Variants in ARHGAP8 observed in about 807,000 individuals in gnomAD.
The protein encoded by ARHGAP8 is Rho GTPase activating protein 8, also known as rho GTPase-activating protein 8.
ARHGAP8 carries 62 observed loss-of-function variants against 46.1 expected under a neutral mutation model. The observed-to-expected ratio is 1.34, with a 90% confidence interval of 1.10 to 1.66. The LOEUF (loss-of-function observed/expected upper bound fraction) is 1.66, where lower values mean the gene tolerates loss of function less well. Among genes scored for constraint, ARHGAP8 ranks in the 40% most tolerant of loss-of-function variants. The pLI is 0.00. For synonymous variants in ARHGAP8, 375 were observed against 243.1 expected, an observed-to-expected ratio of 1.54 and a Z score of -5.05; for missense variants, 923 against 568.4, an observed-to-expected ratio of 1.62 and a Z score of -6.34.
At chr22:44,850,388 A>AGG (rs60902255) in intron 10 of ARHGAP8, 26 of 151,950 alleles carry the variant, frequency 1.7e-4, no homozygotes, top group African/African-American at 6.1e-4. Context: ...GTGGAGACAG[A>AGG]AGGAGGCACT....
intron 4 of ARHGAP8, 187 bp downstream of exon 4, chr22:44,808,625 C>A: frequency 1.8e-6 from 2 of 1,105,738 alleles, no homozygotes; most frequent in African/African-American, 1.6e-5. Context: ...GAATCCCGGG[C>A]AGGGGTTGGC....
chr22:44,811,228 G>T (rs1287478434), intron 4 of ARHGAP8, among the ~76,000 whole-genome samples: 1 of 152,244 alleles, frequency 6.6e-6, no homozygotes, highest in Non-Finnish European at 1.5e-5. Flanking sequence ...TGTGCCAGTG[G>T]TCGATGGATG....
chr22:44,847,902 A>G, intron 8 of ARHGAP8, 71 bp from the exon 9 acceptor site: 1 of 1,575,640 alleles, frequency 6.3e-7, no homozygotes, highest in African/African-American at 1.3e-5. Flanking sequence ...TGGGCAGGGG[A>G]GTGTCATATA....
intron 10 of ARHGAP8, among the ~76,000 whole-genome samples, chr22:44,854,264 TCTTGC>T (rs2070168357): frequency 7.3e-6 from 1 of 136,962 alleles, no homozygotes; most frequent in African/African-American, 2.7e-5. Context: ...TGAGACGGAG[TCTTGC>T]TTTGTTGCCC....
intron 1 of ARHGAP8, among the ~76,000 whole-genome samples, chr22:44,764,167 G>A (rs527361759): frequency 3.3e-5 from 5 of 152,254 alleles, no homozygotes; most frequent in Admixed American, 6.5e-5. Flanking sequence ...AACAACTCCC[G>A]AAGAGTCAGA....
chr22:44,843,211 G>T (rs1007842918), intron 7 of ARHGAP8, among the ~76,000 whole-genome samples: 1 of 152,168 alleles, frequency 6.6e-6, no homozygotes, highest in South Asian at 2.1e-4. Flanking sequence ...CATTTTGCAA[G>T]CGGTAAAGCT....
intron 1 of ARHGAP8, among the ~76,000 whole-genome samples, chr22:44,767,984 C>CTT (rs1167255172): frequency 0.014 from 659 of 47,216 alleles, 248 homozygotes; most frequent in African/African-American, 0.047. Context: ...CGCATGATGT[C>CTT]TTTTTTTTTT....
At chr22:44,821,762 A>C (rs1201646426) in intron 5 of ARHGAP8, among the ~76,000 whole-genome samples, 1 of 152,188 alleles carries the variant, frequency 6.6e-6, no homozygotes, top group Non-Finnish European at 1.5e-5. Context: ...AGGCCCTGAG[A>C]GGGAGTGAAT....
chr22:44,808,532 G>A, intron 4 of ARHGAP8, 94 bp downstream of exon 4: 1 of 1,545,098 alleles, frequency 6.5e-7, no homozygotes, highest in South Asian at 1.2e-5. Context: ...TGTGCAGTGG[G>A]GGAGGGGTCT....
At chr22:44,812,275 C>T (rs1425962344) in intron 4 of ARHGAP8, among the ~76,000 whole-genome samples, 2 of 152,036 alleles carry the variant, frequency 1.3e-5, no homozygotes, top group African/African-American at 4.8e-5. Context: ...GCAGCAGCTG[C>T]CCTCTGGGCT....
Position 44,838,132 on chromosome 22 carries a change from C to T in ARHGAP8, c.597-7137C>T, listed in dbSNP as rs1050431727. ...GAGATTACAGGAGTGCGCCACCATG[C>T]CTGGCTAATTTTTTTTTTTTTTGAA... On this transcript the variant is annotated intron_variant, in intron 7 of 11. Transcript: ENST00000356099. Among the ~76,000 whole-genome samples, 5 of 145,826 alleles carry T rather than the reference C, an allele frequency of 3.4e-5. No homozygotes were observed. In the East Asian group the frequency reaches 8.0e-4, roughly 23 times the overall value.
At chr22:44,847,862 G>A in intron 8 of ARHGAP8, 111 bp from the exon 9 acceptor site, 1 of 1,375,514 alleles carries the variant, frequency 7.3e-7, no homozygotes. Context: ...AAATAAATGT[G>A]TGGAGGCCAG....
At chr22:44,787,022 C>T (rs1285199206) in intron 2 of ARHGAP8, among the ~76,000 whole-genome samples, 3 of 73,392 alleles carry the variant, frequency 4.1e-5, no homozygotes, top group African/African-American at 1.6e-4. Context: ...GTGGTGAGAC[C>T]CTGTCTCAAA....
chr22:44,809,236 G>A (rs112464292), intron 4 of ARHGAP8: 3 of 452,508 alleles, frequency 6.6e-6, no homozygotes, highest in African/African-American at 2.0e-5. Context: ...ACGCTGAAAT[G>A]TGAATTTCAT....
rs557242169 is a variant in ARHGAP8 at position 44,856,254 on chromosome 22, C to CTTTTT, written c.878-3446_878-3442dup. Among the ~76,000 whole-genome samples, 293 of 86,848 alleles carry CTTTTT rather than the reference C, an allele frequency of 3.4e-3. 27 individuals carry two copies. Among genetic ancestry groups the CTTTTT allele is most frequent in the Middle Eastern group, 0.012 (1 of 84 alleles). The allele number at this position is 86,848 out of a possible 152,430, so 57.0% of individuals were successfully genotyped here. ...TACTGTCTGGCCAGCTATAAATTCCCTTTTTTTTTTTTTTTTTTTTTTTTT... is the reference window on the plus strand; with the variant it reads ...TACTGTCTGGCCAGCTATAAATTCCCTTTTTTTTTTTTTTTTTTTTTTTTTTTTTT... On this transcript the variant is annotated intron_variant, in intron 10 of 11. Coordinates refer to ENST00000356099, the MANE Select transcript of ARHGAP8 (RefSeq NM_181335.3).
intron 8 of ARHGAP8, among the ~76,000 whole-genome samples, chr22:44,846,723 T>C (rs1180119558): frequency 1.3e-5 from 2 of 152,024 alleles, no homozygotes; most frequent in East Asian, 3.9e-4. Flanking sequence ...CTCATTCACT[T>C]GGGAGGCATT....
rs142685281 is a variant in ARHGAP8, at chr22:44,859,719, A to T, written c.878-12A>T. On this transcript the variant is annotated splice_polypyrimidine_tract_variant and intron_variant, in intron 10 of 11. Coordinates refer to ENST00000356099, the MANE Select transcript of ARHGAP8 (RefSeq NM_181335.3). ...CCTCTGGAGCTCAGCAGGGAGCCCC[A>T]TGCCCTTCCAGGTGTGGAGAGCAGC... The T allele has an allele frequency of 6.2e-7, 1 of 1,612,752 alleles. No individual in the cohort carries two copies. Among genetic ancestry groups the T allele is most frequent in the Non-Finnish European group, 8.5e-7 (1 of 1,179,946 alleles).
At chr22:44,812,882 T>C (rs923684545) in intron 4 of ARHGAP8, among the ~76,000 whole-genome samples, 1 of 152,112 alleles carries the variant, frequency 6.6e-6, no homozygotes, top group Non-Finnish European at 1.5e-5. Context: ...ATGTGTAAAA[T>C]GTCCTATTTT....
In ARHGAP8 at chr22:44,862,611, GTA is replaced by G. The variant is rs66912386; in HGVS notation, c.*20_*21del. On this transcript the variant is annotated 3_prime_UTR_variant, in exon 12 of 12. Coordinates refer to ENST00000356099, the MANE Select transcript of ARHGAP8 (RefSeq NM_181335.3). ...ACGTCTCTAGTGTTGCGAACACTCT[GTA>G]TATTTCGAGCTACCTCCCACACCTG... is the stretch of plus-strand genomic sequence containing the variant. The G allele has an allele frequency of 7.1e-7, 1 of 1,403,290 alleles. No individual in the cohort carries two copies. Among genetic ancestry groups the G allele is most frequent in the Middle Eastern group, 1.9e-4 (1 of 5,388 alleles). 86.9% of individuals were successfully genotyped at this position (1,403,290 alleles called of 1,614,324 possible).
Sources: gnomAD v4.1 joint callset for allele counts (sites outside exome capture counted in the v4.1 genomes callset) on GRCh38, gnomAD v4.1.1 for gene constraint, MANE v1.5 for transcripts, NCBI Gene and HGNC (gene_info 2026-07-23, HGNC 2026-07-21) for gene names.